Variants in KCNMA1 observed in about 807,000 individuals in gnomAD.
The protein encoded by KCNMA1 is potassium calcium-activated channel subfamily M alpha 1, also known as Calcium-activated potassium channel subunit alpha-1.
KCNMA1 carries 29 observed loss-of-function variants against 140.0 expected under a neutral mutation model. That is an observed-to-expected ratio of 0.21 (90% CI 0.15 to 0.28). The LOEUF (loss-of-function observed/expected upper bound fraction) is 0.28, where lower values mean the gene tolerates loss of function less well. KCNMA1 is among the 10% of genes least tolerant of loss of function. The pLI is 1.00. For missense variants in KCNMA1, 880 were observed against 1,602.2 expected (o/e 0.55, Z 7.70); for synonymous variants, 612 against 611.9 (o/e 1.00, Z 0.00).
intron 20 of KCNMA1, among the ~76,000 whole-genome samples, chr10:76,955,005 C>T (rs1208080252): frequency 1.3e-5 from 2 of 152,140 alleles, no homozygotes; most frequent in African/African-American, 4.8e-5. Context: ...TTCCTTCCTG[C>T]AAAACTGGCC....
intron 1 of KCNMA1, among the ~76,000 whole-genome samples, chr10:77,414,051 C>G (rs1000278026): frequency 6.6e-6 from 1 of 152,170 alleles, no homozygotes; most frequent in Non-Finnish European, 1.5e-5. Context: ...AACAACTACT[C>G]TTTGGAAGTC....
chr10:77,055,487 T>C (rs1425467690), intron 14 of KCNMA1, among the ~76,000 whole-genome samples: 5 of 135,690 alleles, frequency 3.7e-5, no homozygotes, highest in Non-Finnish European at 4.7e-5. Flanking sequence ...TTCCTCCCTC[T>C]CTTCCTTCCT....
At chr10:76,942,087 T>G (rs1316080671) in intron 23 of KCNMA1, among the ~76,000 whole-genome samples, 1 of 152,262 alleles carries the variant, frequency 6.6e-6, no homozygotes, top group Admixed American at 6.5e-5. Flanking sequence ...TTCTCCTGCC[T>G]CAGCCTCCCG....
At chr10:77,605,152 C>T (rs972548963) in intron 1 of KCNMA1, among the ~76,000 whole-genome samples, 5 of 152,238 alleles carry the variant, frequency 3.3e-5, no homozygotes, top group Admixed American at 2.0e-4. Context: ...CGCGCCCAGC[C>T]GCAGCCCAGG....
chr10:76,912,218 G>T (rs1359545604), intron 24 of KCNMA1: 1 of 152,186 alleles, frequency 6.6e-6, no homozygotes, highest in East Asian at 1.9e-4. Flanking sequence ...AAGCATATGT[G>T]GTCAAATACA....
At chr10:77,431,040 C>T (rs2097141802) in intron 1 of KCNMA1, among the ~76,000 whole-genome samples, 1 of 152,216 alleles carries the variant, frequency 6.6e-6, no homozygotes, top group South Asian at 2.1e-4. Context: ...TTTAGGATGG[C>T]AGCTCCCCGC....
intron 1 of KCNMA1, among the ~76,000 whole-genome samples, chr10:77,477,448 G>C (rs2098302528): frequency 6.6e-6 from 1 of 152,152 alleles, no homozygotes; most frequent in South Asian, 2.1e-4. Flanking sequence ...GGCTCACAGG[G>C]GAAAGACTGC....
At chr10:77,122,901 G>A (rs1024502484) in intron 5 of KCNMA1, among the ~76,000 whole-genome samples, 1 of 152,024 alleles carries the variant, frequency 6.6e-6, no homozygotes, top group Non-Finnish European at 1.5e-5. Context: ...AGTGTTGGCC[G>A]GGCACGGTGG....
chr10:77,055,735 C>T (rs1002186993), intron 14 of KCNMA1, among the ~76,000 whole-genome samples: 4 of 152,144 alleles, frequency 2.6e-5, no homozygotes, highest in African/African-American at 9.7e-5. Flanking sequence ...AACACAATCA[C>T]AGAAAGTATA....
intron 19 of KCNMA1, chr10:76,978,410 A>C (rs1176802517): frequency 6.6e-6 from 1 of 152,204 alleles, no homozygotes; most frequent in African/African-American, 2.4e-5. Context: ...ATGAATTTAT[A>C]ATTATCCTTG....
At chr10:77,121,389 G>GA (rs1274188707) in intron 5 of KCNMA1, among the ~76,000 whole-genome samples, 1 of 152,170 alleles carries the variant, frequency 6.6e-6, no homozygotes, top group African/African-American at 2.4e-5. Flanking sequence ...TTTTGTCTCT[G>GA]AAAAATCCTA....
chr10:77,440,058 T>C (rs1156972447), intron 1 of KCNMA1, among the ~76,000 whole-genome samples: 3 of 152,174 alleles, frequency 2.0e-5, no homozygotes, highest in East Asian at 1.9e-4. Context: ...TCTGACACCA[T>C]AGCTTCTCCA....
At chr10:77,374,234 G>A (rs965936286) in intron 2 of KCNMA1, among the ~76,000 whole-genome samples, 56 of 152,168 alleles carry the variant, frequency 3.7e-4, no homozygotes, top group African/African-American at 1.2e-3. Context: ...CAACCATGGC[G>A]GGAATCTACT....
intron 5 of KCNMA1, among the ~76,000 whole-genome samples, chr10:77,122,445 G>C (rs2097632315): frequency 6.6e-6 from 1 of 152,106 alleles, no homozygotes; most frequent in Non-Finnish European, 1.5e-5. Flanking sequence ...CAAAAGCACA[G>C]TTGTAACTGA....
intron 23 of KCNMA1, among the ~76,000 whole-genome samples, chr10:76,919,053 A>C (rs1199420582): frequency 6.6e-6 from 1 of 152,142 alleles, no homozygotes; most frequent in African/African-American, 2.4e-5. Flanking sequence ...GATGTAACTC[A>C]GGAATGGAAA....
At chr10:76,878,354 C>T (rs2033023369) in intron 29 of KCNMA1, among the ~76,000 whole-genome samples, 1 of 152,168 alleles carries the variant, frequency 6.6e-6, no homozygotes, top group Non-Finnish European at 1.5e-5. Context: ...GAATCTTACA[C>T]AGAATCACCA....
At chr10:77,505,634 T>C (rs1314564519) in intron 1 of KCNMA1, among the ~76,000 whole-genome samples, 1 of 152,124 alleles carries the variant, frequency 6.6e-6, no homozygotes, top group African/African-American at 2.4e-5. Context: ...GCAGAAAAGA[T>C]AAAATGAACT....
At chr10:77,538,465 T>A (rs978288419) in intron 1 of KCNMA1, among the ~76,000 whole-genome samples, 5 of 152,142 alleles carry the variant, frequency 3.3e-5, no homozygotes, top group African/African-American at 9.7e-5. Context: ...AGAGCTTTCA[T>A]TGCCATCATT....
At chr10:77,042,150 T>C (rs530684766) in intron 14 of KCNMA1, among the ~76,000 whole-genome samples, 80 of 152,248 alleles carry the variant, frequency 5.3e-4, no homozygotes, top group African/African-American at 1.8e-3. Flanking sequence ...TATCTACAAA[T>C]TGGCCTTCCC....
Sources: allele counts gnomAD v4.1 joint callset (sites outside exome capture counted in the v4.1 genomes callset), GRCh38; gene constraint gnomAD v4.1.1; transcripts MANE v1.5; gene names NCBI Gene and HGNC (gene_info 2026-07-23, HGNC 2026-07-21).